CDK8: variants seen among roughly 807,000 people sequenced by gnomAD.
The protein encoded by CDK8 is cyclin-dependent kinase 8.
In CDK8, 29 loss-of-function variants were observed where a neutral mutation model predicts 71.5. The observed-to-expected ratio is 0.41, with a 90% CI of 0.30 to 0.55. The LOEUF is 0.55. Among genes scored for constraint, CDK8 ranks in the 20% least tolerant of loss-of-function variants. The pLI is 0.37. For missense variants in CDK8, 288 were observed against 572.6 expected (o/e 0.50, Z 5.07); for synonymous variants, 161 against 192.1 (o/e 0.84, Z 1.34).
At chr13:26,271,760 T>C (rs961981168) in intron 1 of CDK8, among the ~76,000 whole-genome samples, 3 of 145,760 alleles carry the variant, frequency 2.1e-5, no homozygotes, top group African/African-American at 7.6e-5. Flanking sequence ...TGGTGAGCTC[T>C]AATTGTACCA....
At chr13:26,375,584 TACC>T (rs1251052111) in intron 4 of CDK8, among the ~76,000 whole-genome samples, 3 of 152,334 alleles carry the variant, frequency 2.0e-5, no homozygotes, top group African/African-American at 7.2e-5. Context: ...CCTAAAAATA[TACC>T]ACAACAGTGT....
rs561692142 is a variant in CDK8, at chr13:26,272,848, A to G, written c.128+18079A>G. Among the ~76,000 whole-genome samples the G allele has an allele frequency of 2.6e-5, 4 of 152,272 alleles. No individual in the cohort carries two copies. In the South Asian group the frequency reaches 8.3e-4, roughly 32 times the overall value. ...AATTTTTCAGCTCTATTTTAATCTTATGGGACAACCTCCCTATGTGCTGTT... is the reference window on the plus strand; with the variant it reads ...AATTTTTCAGCTCTATTTTAATCTTGTGGGACAACCTCCCTATGTGCTGTT... On this transcript the variant is annotated intron_variant, in intron 1 of 12. Coordinates refer to ENST00000381527, the MANE Select transcript of CDK8 (RefSeq NM_001260.3).
chr13:26,310,014 C>T (rs569561610), intron 1 of CDK8, among the ~76,000 whole-genome samples: 44 of 152,262 alleles, frequency 2.9e-4, no homozygotes, highest in African/African-American at 9.6e-4. Flanking sequence ...CCTCGGCCTC[C>T]GAAAGTGCTA....
At position 26,259,735 on chromosome 13, in the gene CDK8, G is replaced by A. The variant is rs78518651; in HGVS notation, c.128+4966G>A. Among the ~76,000 whole-genome samples the A allele has an allele frequency of 3.8e-3, 574 of 152,262 alleles. 4 individuals are homozygous for A. The highest frequency in any genetic ancestry group is 5.6e-3 in the Non-Finnish European group (380 of 68,006). ...ATTCATTTGGGATTTGTTCATGTGA[G>A]TTATTACTTTTACTGTGTCTTTGAA... On this transcript the variant is annotated intron_variant, in intron 1 of 12. Transcript: ENST00000381527.
intron 4 of CDK8, among the ~76,000 whole-genome samples, chr13:26,376,379 T>C (rs931735971): frequency 6.6e-6 from 1 of 152,216 alleles, no homozygotes; most frequent in African/African-American, 2.4e-5. Context: ...TCTTTCTTAC[T>C]TGACTCATTA....
intron 4 of CDK8, among the ~76,000 whole-genome samples, chr13:26,363,750 T>C (rs1874257437): frequency 6.6e-6 from 1 of 152,198 alleles, no homozygotes; most frequent in Non-Finnish European, 1.5e-5. Flanking sequence ...TTGGAATCAC[T>C]AAGTGGGACT....
At chr13:26,323,717 G>A (rs761516930) in intron 1 of CDK8, among the ~76,000 whole-genome samples, 2 of 152,054 alleles carry the variant, frequency 1.3e-5, no homozygotes, top group Non-Finnish European at 2.9e-5. Flanking sequence ...ATTCTGTAGT[G>A]TAAATCTCAT....
intron 1 of CDK8, among the ~76,000 whole-genome samples, chr13:26,303,846 A>G (rs1873923337): frequency 6.6e-6 from 1 of 152,198 alleles, no homozygotes. Context: ...AAACTTCACA[A>G]TTCAGTAATG....
chr13:26,260,874 G>A (rs980651163), intron 1 of CDK8, among the ~76,000 whole-genome samples: 1 of 152,160 alleles, frequency 6.6e-6, no homozygotes, highest in African/African-American at 2.4e-5. Flanking sequence ...TGTGACTGGT[G>A]TTAATCTTTC....
At position 26,393,466 on chromosome 13, in the gene CDK8, A is replaced by G; in HGVS notation, c.746A>G (p.His249Arg). The change falls in exon 7 of 13, where the codon CAT becomes CGT. Residue 249 changes from histidine to arginine, a missense_variant. This residue lies in a region of CDK8 where 96 missense variants were observed against 229.8 expected (regional missense o/e 0.42). Transcript: ENST00000381527. ...ATCAAAACTAGTAATCCTTATCACC[A>G]TGACCAGCTGGACAGAATATTCAAT... ...EDIKTSNPYH[H>R]DQLDRIFNVM... is the part of the protein sequence containing the mutation. 1 of 1,611,960 alleles carries G rather than the reference A, an allele frequency of 6.2e-7. No individual in the cohort carries two copies. The highest frequency in any genetic ancestry group is 8.5e-7 in the Non-Finnish European group (1 of 1,178,204).
chr13:26,317,783 A>G (rs537175997), intron 1 of CDK8, among the ~76,000 whole-genome samples: 1 of 152,188 alleles, frequency 6.6e-6, no homozygotes, highest in Non-Finnish European at 1.5e-5. Context: ...CTTATGGGAC[A>G]CAGCAAAAGC....
intron 1 of CDK8, among the ~76,000 whole-genome samples, chr13:26,304,152 C>G (rs1419939432): frequency 6.7e-6 from 1 of 149,148 alleles, no homozygotes; most frequent in African/African-American, 2.5e-5. Flanking sequence ...GTAATTCCAG[C>G]TACTCGGGAG....
intron 9 of CDK8, 200 bp from the exon 10 acceptor site, chr13:26,400,253 G>C (rs1285383379): frequency 1.9e-6 from 1 of 522,300 alleles, no homozygotes; most frequent in African/African-American, 2.0e-5. Context: ...TAAAACAAGT[G>C]AGATTATGAA....
chr13:26,315,653 A>G (rs1007498292), intron 1 of CDK8, among the ~76,000 whole-genome samples: 1 of 152,078 alleles, frequency 6.6e-6, no homozygotes, highest in African/African-American at 2.4e-5. Flanking sequence ...GTGGTTGAGG[A>G]TGTTTTCTGG....
At chr13:26,324,531 T>C (rs541845080) in intron 1 of CDK8, among the ~76,000 whole-genome samples, 68 of 152,256 alleles carry the variant, frequency 4.5e-4, no homozygotes, top group African/African-American at 1.6e-3. Context: ...TGCCTGAATG[T>C]AATAGTACTT....
At chr13:26,351,264 C>T (rs1312865873) in intron 3 of CDK8, among the ~76,000 whole-genome samples, 1 of 152,020 alleles carries the variant, frequency 6.6e-6, no homozygotes, top group Non-Finnish European at 1.5e-5. Flanking sequence ...ATTAGCATGG[C>T]TATGCTTTTT....
At chr13:26,338,249 G>T (rs1300403404) in intron 2 of CDK8, among the ~76,000 whole-genome samples, 1 of 152,018 alleles carries the variant, frequency 6.6e-6, no homozygotes, top group African/African-American at 2.4e-5. Context: ...GGGTCCAAAT[G>T]TGTCTTTTCT....
At chr13:26,311,782 A>G (rs1429233562) in intron 1 of CDK8, among the ~76,000 whole-genome samples, 1 of 152,204 alleles carries the variant, frequency 6.6e-6, no homozygotes, top group Admixed American at 6.5e-5. Context: ...ATCATTGGCC[A>G]GAATTGGTTC....
At chr13:26,277,603 A>C (rs947904961) in intron 1 of CDK8, among the ~76,000 whole-genome samples, 2 of 152,206 alleles carry the variant, frequency 1.3e-5, no homozygotes, top group African/African-American at 4.8e-5. Flanking sequence ...GGGTGTTTCA[A>C]CTTGGAAGTT....
Sources: gnomAD v4.1 joint callset for allele counts (sites outside exome capture counted in the v4.1 genomes callset) on GRCh38, gnomAD v4.1.1 for gene constraint, gnomAD v4.1.1 regional missense constraint, MANE v1.5 for transcripts, NCBI Gene and HGNC (gene_info 2026-07-23, HGNC 2026-07-21) for gene names.